The following TXK variants were observed in gnomAD, a reference collection of about 807,000 sequenced individuals.
TXK encodes tyrosine-protein kinase TXK.
In TXK, 60 loss-of-function variants were observed where a neutral mutation model predicts 81.0. The ratio of observed to expected loss-of-function variants is 0.74; its 90% confidence interval spans 0.60 to 0.92. The LOEUF (loss-of-function observed/expected upper bound fraction) is 0.92, where lower values mean the gene tolerates loss of function less well. Among genes scored for constraint, TXK ranks in the 40% least tolerant of loss-of-function variants. The pLI, the probability that TXK is intolerant of heterozygous loss-of-function variation, is 0.00. For synonymous variants in TXK, 203 were observed against 210.7 expected, an observed-to-expected ratio of 0.96 and a Z score of 0.32; for missense variants, 581 against 638.3, an observed-to-expected ratio of 0.91 and a Z score of 0.97.
At chr4:48,104,872 T>A (rs750684086) in intron 6 of TXK, 29 bp downstream of exon 6, 4 of 1,563,312 alleles carry the variant, frequency 2.6e-6, no homozygotes, top group Non-Finnish European at 3.5e-6. Flanking sequence ...TCAGAGATTT[T>A]GAAAATGTCC....
intron 6 of TXK, among the ~76,000 whole-genome samples, chr4:48,096,685 T>C (rs1182638410): frequency 2.0e-5 from 3 of 152,162 alleles, no homozygotes; most frequent in Admixed American, 6.5e-5. Flanking sequence ...CATGCCACCA[T>C]GCCTGGCTAA....
At position 48,067,534 on chromosome 4, in the gene TXK, T is replaced by G; in HGVS notation, c.*103A>C. On this transcript the variant is annotated 3_prime_UTR_variant, in exon 15 of 15. Coordinates refer to ENST00000264316, the MANE Select transcript of TXK (RefSeq NM_003328.3). ...TGCACTGTTTTCAAGAGTCAGCAAC[T>G]CTGAAGAAAGATATTCACCATAAGT... 8.2e-7 allele frequency: 1 copy of G among 1,224,728 alleles called. No individual in the cohort carries two copies. The highest frequency in any genetic ancestry group is 1.2e-6 in the Non-Finnish European group (1 of 840,314). The allele number at this position is 1,224,728 out of a possible 1,614,324, so 75.9% of individuals were successfully genotyped here. A position where few individuals can be genotyped will look rare whatever the true frequency, so the allele number is the denominator to read the frequency against.
chr4:48,133,070 GC>G (rs1254964717), intron 1 of TXK, among the ~76,000 whole-genome samples: 1 of 152,178 alleles, frequency 6.6e-6, no homozygotes, highest in East Asian at 1.9e-4. Flanking sequence ...TTTTCACCTT[GC>G]CAGTTTGTAG....
At position 48,071,528 on chromosome 4, in the gene TXK, A is replaced by T. The variant is rs1363077125; in HGVS notation, c.1504T>A (p.Cys502Ser). The change falls in exon 14 of 15, where the codon TGC becomes AGC. Residue 502 changes from cysteine (C) to serine (S), a missense_variant. Cys to Ser is a moderately radical substitution (Grantham distance 112). Transcript: ENST00000264316. ...TAACATATGCTTACCTCATGCCAGC[A>T]GCTGTACATGACTTCATATATGGAC... is the stretch of plus-strand genomic sequence containing the variant. ...PMSIYEVMYS[C>S]WHEKPEGRPT... is the part of the protein sequence containing the mutation. 2 of 1,613,370 alleles carry T rather than the reference A, an allele frequency of 1.2e-6. No homozygotes were observed. Among genetic ancestry groups the T allele is most frequent in the Non-Finnish European group, 1.7e-6 (2 of 1,179,768 alleles).
intron 13 of TXK, among the ~76,000 whole-genome samples, chr4:48,073,103 T>TTG (rs1285356629): frequency 6.6e-6 from 1 of 150,730 alleles, no homozygotes; most frequent in Non-Finnish European, 1.5e-5. Context: ...TTTTTTTTTT[T>TTG]TTTTGTAAAG....
At chr4:48,113,184 T>A (rs761332474) in intron 3 of TXK, 23 bp downstream of exon 3, 1 of 1,576,822 alleles carries the variant, frequency 6.3e-7, no homozygotes, top group South Asian at 1.1e-5. Context: ...CATTCCCCTC[T>A]TGCCTGTCAA....
chr4:48,089,686 C>T, intron 9 of TXK, 64 bp downstream of exon 9: 1 of 1,367,012 alleles, frequency 7.3e-7, no homozygotes, highest in East Asian at 2.3e-5. Context: ...GCCACCGCAC[C>T]CAGCCAGGTA....
chr4:48,123,699 C>T (rs1159646755), intron 1 of TXK, among the ~76,000 whole-genome samples: 3 of 152,132 alleles, frequency 2.0e-5, no homozygotes, highest in Non-Finnish European at 4.4e-5. Flanking sequence ...GGCTAGTAAG[C>T]GGGGAGCCAG....
chr4:48,067,660 T>C lies in TXK; in HGVS notation c.1561A>G (p.Thr521Ala). Reference protein sequence around the residue: ...PTFAELLRAVTEIAETW With the variant: ...PTFAELLRAVAEIAETW ...GGTCACCAGGTTTCCGCAATCTCTG[T>C]GACAGCCCGCAGCAGCTCGGCAAAT... Residue 521 changes from threonine (T) to alanine (A), a missense_variant, in exon 15 of 15, where the codon ACA becomes GCA. Coordinates refer to ENST00000264316, the MANE Select transcript of TXK (RefSeq NM_003328.3). The C allele has an allele frequency of 6.2e-7, 1 of 1,614,080 alleles. No homozygotes were observed. The highest frequency in any genetic ancestry group is 8.5e-7 in the Non-Finnish European group (1 of 1,179,986).
At chr4:48,104,996 A>G (rs759683581) in intron 5 of TXK, 41 bp from the exon 6 acceptor site, 1 of 1,448,648 alleles carries the variant, frequency 6.9e-7, no homozygotes. Flanking sequence ...TTTATATTCA[A>G]TTTTTTTAAG....
In TXK at chr4:48,079,836, T is replaced by C. The variant is rs374619848; in HGVS notation, c.1173+76A>G. 6.4e-4 allele frequency: 613 copies of C among 964,226 alleles called. 9 individuals are homozygous for C. The South Asian group carries it at 8.1e-3, about 13-fold the overall frequency. 59.7% of individuals were successfully genotyped at this position (964,226 alleles called of 1,614,324 possible). On this transcript the variant is annotated intron_variant, in intron 11 of 14. Transcript: ENST00000264316. ...TAAATCAAGGACACATTATTCAAAG[T>C]ATTGAAAGTAATTGTCACATCCTTC...
At position 48,094,078 on chromosome 4, in the gene TXK, G is replaced by C. The variant is rs779476702; in HGVS notation, c.708C>G (p.Ala236=). 2 of 1,613,292 alleles carry C rather than the reference G, an allele frequency of 1.2e-6. No homozygotes were observed. The highest frequency in any genetic ancestry group is 1.7e-6 in the Non-Finnish European group (2 of 1,180,022). Residue 236 remains alanine, a splice_region_variant and synonymous_variant, in exon 8 of 15, where the codon GCC becomes GCG. Transcript: ENST00000264316. The part of the protein sequence containing the change: ...ELIWYHQHNA[A]GLMTRLRYPV... Reference sequence around the variant, plus strand: ...CCCAGCTGGAAGTTCCCCTCTTACCGGCTGCATTGTGCTGGTGATACCAGA... The same window carrying C: ...CCCAGCTGGAAGTTCCCCTCTTACCCGCTGCATTGTGCTGGTGATACCAGA...
At chr4:48,130,101 A>C (rs1212777225) in intron 1 of TXK, among the ~76,000 whole-genome samples, 3 of 152,244 alleles carry the variant, frequency 2.0e-5, no homozygotes, top group Non-Finnish European at 4.4e-5. Flanking sequence ...ACAAAAGAAA[A>C]GACACATCTA....
intron 10 of TXK, among the ~76,000 whole-genome samples, chr4:48,085,149 T>C (rs1027960437): frequency 3.3e-5 from 5 of 152,152 alleles, no homozygotes; most frequent in Admixed American, 3.3e-4. Context: ...CCTGCTCAGG[T>C]TGTTAAAGTT....
At chr4:48,069,326 C>CTTT (rs376924565) in intron 14 of TXK, among the ~76,000 whole-genome samples, 1,100 of 95,724 alleles carry the variant, frequency 0.011, 19 homozygotes, top group African/African-American at 0.039. Flanking sequence ...CTTTTCTTTT[C>CTTT]TTTTTTTTTT....
Position 48,067,666 on chromosome 4 carries a change from C to A in TXK, c.1555G>T (p.Ala519Ser). The A allele has an allele frequency of 3.1e-6, 5 of 1,614,078 alleles. No homozygotes were observed. The highest frequency in any genetic ancestry group is 4.2e-6 in the Non-Finnish European group (5 of 1,180,004). ...GRPTFAELLR[A>S]VTEIAETW The stretch of plus-strand genomic sequence containing the variant: ...CAGGTTTCCGCAATCTCTGTGACAG[C>A]CCGCAGCAGCTCGGCAAATGTAGGG... The change falls in exon 15 of 15, where the codon GCT (alanine) becomes TCT (serine). Residue 519 changes from alanine (A) to serine (S), a missense_variant. Coordinates refer to ENST00000264316, the MANE Select transcript of TXK (RefSeq NM_003328.3).
Position 48,112,296 on chromosome 4 carries a change from A to C in TXK, c.380+11T>G. On this transcript the variant is annotated intron_variant, in intron 4 of 14. Coordinates refer to ENST00000264316, the MANE Select transcript of TXK (RefSeq NM_003328.3). Reference sequence around the variant, plus strand: ...GAATTGGATACTGACTAAGTCATGTAAGTGTCTTACCCCAAACGGTCTCTT... The same window carrying C: ...GAATTGGATACTGACTAAGTCATGTCAGTGTCTTACCCCAAACGGTCTCTT... The C allele has an allele frequency of 6.2e-7, 1 of 1,612,598 alleles. No homozygotes were observed. The highest frequency in any genetic ancestry group is 8.5e-7 in the Non-Finnish European group (1 of 1,178,584).
chr4:48,104,869 T>C, intron 6 of TXK, 32 bp downstream of exon 6: 2 of 1,553,456 alleles, frequency 1.3e-6, no homozygotes, highest in South Asian at 1.2e-5. Context: ...TTCTCAGAGA[T>C]TTTGAAAATG....
intron 1 of TXK, among the ~76,000 whole-genome samples, chr4:48,128,437 C>T (rs1455286488): frequency 2.6e-5 from 4 of 151,700 alleles, no homozygotes; most frequent in Non-Finnish European, 4.4e-5. Context: ...GGAAAAATGG[C>T]TCTGGGTGAC....
Sources: gnomAD v4.1 joint callset for allele counts (sites outside exome capture counted in the v4.1 genomes callset) on GRCh38, gnomAD v4.1.1 for gene constraint, MANE v1.5 for transcripts, NCBI Gene and HGNC (gene_info 2026-07-23, HGNC 2026-07-21) for gene names.